Variants in KCNIP4 observed in about 807,000 individuals in gnomAD.
KCNIP4 encodes the protein Kv channel-interacting protein 4.
Under a neutral mutation model 34.0 loss-of-function variants are expected in KCNIP4, and 12 were observed. The ratio of observed to expected loss-of-function variants is 0.35; its 90% CI spans 0.23 to 0.57. KCNIP4 has a LOEUF of 0.57. KCNIP4 is among the 20% of genes least tolerant of loss of function. The pLI, the probability that KCNIP4 is intolerant of heterozygous loss-of-function variation, is 0.83. For missense variants in KCNIP4, 238 were observed against 311.7 expected (o/e 0.76, Z 1.78); for synonymous variants, 124 against 102.2 (o/e 1.21, Z -1.29).
chr4:20,958,506 A>T (rs1397956063), intron 1 of KCNIP4, among the ~76,000 whole-genome samples: 4 of 152,208 alleles, frequency 2.6e-5, no homozygotes, highest in African/African-American at 9.6e-5. Context: ...TTTATAATAA[A>T]AATTGATGAA....
chr4:21,192,940 CTACT>C (rs1755769281), intron 1 of KCNIP4, among the ~76,000 whole-genome samples: 1 of 145,248 alleles, frequency 6.9e-6, no homozygotes, highest in Non-Finnish European at 1.5e-5. Flanking sequence ...ACTACTACTA[CTACT>C]ACTACTACTA....
At chr4:21,871,934 T>A (rs1045527322) in intron 1 of KCNIP4, among the ~76,000 whole-genome samples, 1 of 151,916 alleles carries the variant, frequency 6.6e-6, no homozygotes. Flanking sequence ...AAAACCACAC[T>A]GCAGTTTTCC....
chr4:21,881,254 C>A (rs920545829), intron 1 of KCNIP4, among the ~76,000 whole-genome samples: 21 of 152,000 alleles, frequency 1.4e-4, no homozygotes, highest in African/African-American at 4.8e-4. Flanking sequence ...GAAATTAACT[C>A]TTTATATTGA....
rs1395119622 is a variant in KCNIP4 at position 20,785,317 on chromosome 4, GA to G, written c.289-26428del. Among the ~76,000 whole-genome samples, 23 of 140,254 alleles carry G rather than the reference GA, an allele frequency of 1.6e-4. No individual in the cohort carries two copies. In the South Asian group the frequency reaches 5.7e-3, roughly 35 times the overall value. The allele number at this position is 140,254 out of a possible 152,430, so 92.0% of individuals were successfully genotyped here. A position where few individuals can be genotyped will look rare whatever the true frequency, so the allele number is the denominator to read the frequency against. On this transcript the variant is annotated intron_variant, in intron 3 of 8. Coordinates refer to ENST00000382152, the MANE Select transcript of KCNIP4 (RefSeq NM_025221.6). ...GCACTTCCCTACTTGCTTTTCTTTG[GA>G]TTTTTTTTTCTTTTTTTTTTTTTTT...
chr4:21,684,525 G>T (rs551335734), intron 1 of KCNIP4, among the ~76,000 whole-genome samples: 1 of 152,212 alleles, frequency 6.6e-6, no homozygotes, highest in Admixed American at 6.5e-5. Flanking sequence ...ATAATTTAAA[G>T]AATGAGTAGG....
At chr4:21,310,430 T>C (rs1256428674) in intron 1 of KCNIP4, among the ~76,000 whole-genome samples, 2 of 152,130 alleles carry the variant, frequency 1.3e-5, no homozygotes, top group African/African-American at 4.8e-5. Context: ...CCCCTCATTT[T>C]TCAGACCATC....
At chr4:21,173,447 T>C (rs754172491) in intron 1 of KCNIP4, among the ~76,000 whole-genome samples, 20 of 152,022 alleles carry the variant, frequency 1.3e-4, no homozygotes, top group Non-Finnish European at 2.6e-4. Context: ...GTTTCAACAG[T>C]CAATAGCAGA....
At chr4:21,335,545 T>C (rs972055691) in intron 1 of KCNIP4, among the ~76,000 whole-genome samples, 2 of 152,228 alleles carry the variant, frequency 1.3e-5, no homozygotes, top group African/African-American at 2.4e-5. Context: ...TCACTGTATT[T>C]ATCTGTCCAC....
intron 1 of KCNIP4, among the ~76,000 whole-genome samples, chr4:21,768,212 T>C (rs1718551645): frequency 6.6e-6 from 1 of 152,112 alleles, no homozygotes; most frequent in Non-Finnish European, 1.5e-5. Context: ...ACCTAGGATT[T>C]TGGATACAGT....
rs1244603181 is a variant in KCNIP4, at chr4:21,234,077, C to T, written c.62-351368G>A. On this transcript the variant is annotated intron_variant, in intron 1 of 8. Coordinates refer to ENST00000382152, the MANE Select transcript of KCNIP4 (RefSeq NM_025221.6). ...ACATAACATATATAACATAACATAA[C>T]ATATAACGTATATTATATATAACAT... 3.0e-5 allele frequency among the ~76,000 whole-genome samples: 2 copies of T among 67,434 alleles called. 1 individual carries two copies. Among genetic ancestry groups the T allele is most frequent in the African/African-American group, 3.4e-4 (2 of 5,830 alleles). 44.2% of individuals were successfully genotyped at this position (67,434 alleles called of 152,430 possible).
rs115976788 is a variant in KCNIP4, at chr4:21,047,250, G to A, written c.62-164541C>T. ...CTCTTCATGATTTTTTTGGTCTTAT[G>A]TTTTTAACAAGACTGAGCAGAAAGT... On this transcript the variant is annotated intron_variant, in intron 1 of 8. Transcript: ENST00000382152. Among the ~76,000 whole-genome samples the A allele has an allele frequency of 1.7e-3, 264 of 152,188 alleles. 2 individuals are homozygous for A. The highest frequency in any genetic ancestry group is 3.3e-3 in the Non-Finnish European group (222 of 67,998).
chr4:21,543,974 G>A (rs1737920229), intron 1 of KCNIP4, among the ~76,000 whole-genome samples: 1 of 152,050 alleles, frequency 6.6e-6, no homozygotes, highest in South Asian at 2.1e-4. Flanking sequence ...AAATTGTTGT[G>A]ACTCCTAAAC....
At chr4:21,559,314 G>C (rs186136369) in intron 1 of KCNIP4, among the ~76,000 whole-genome samples, 2 of 152,234 alleles carry the variant, frequency 1.3e-5, no homozygotes, top group Non-Finnish European at 2.9e-5. Flanking sequence ...TTTGAATGAG[G>C]ACACTGAGTC....
intron 3 of KCNIP4, among the ~76,000 whole-genome samples, chr4:20,772,778 A>C (rs1184361363): frequency 6.6e-6 from 1 of 151,866 alleles, no homozygotes; most frequent in Non-Finnish European, 1.5e-5. Flanking sequence ...AATAGCTGGG[A>C]TTACAGGCGC....
chr4:21,527,086 G>A (rs1577528586), intron 1 of KCNIP4, among the ~76,000 whole-genome samples: 1 of 152,124 alleles, frequency 6.6e-6, no homozygotes, highest in Non-Finnish European at 1.5e-5. Flanking sequence ...TCATTAATTA[G>A]GATGCCACCA....
chr4:21,776,094 ATCCAT>A, intron 1 of KCNIP4, among the ~76,000 whole-genome samples: 1 of 152,256 alleles, frequency 6.6e-6, no homozygotes, highest in Middle Eastern at 3.4e-3. Context: ...GGATCTTCCA[ATCCAT>A]GGGTTGCACA....
intron 1 of KCNIP4, among the ~76,000 whole-genome samples, chr4:20,925,361 C>T (rs1051011184): frequency 2.6e-5 from 4 of 151,962 alleles, no homozygotes; most frequent in Non-Finnish European, 5.9e-5. Flanking sequence ...AGATACAGGT[C>T]GTAAAGAACT....
rs555746360 is a variant in KCNIP4, at chr4:21,156,262, G to T, written c.62-273553C>A. On this transcript the variant is annotated intron_variant, in intron 1 of 8. Coordinates refer to ENST00000382152, the MANE Select transcript of KCNIP4 (RefSeq NM_025221.6). ...GGAAGAAGCTGTCTAGCCAGGAACT[G>T]CATTTCCCTGTATCCACACCATTTT... Among the ~76,000 whole-genome samples the T allele has an allele frequency of 3.3e-4, 51 of 152,262 alleles. 1 individual carries two copies. Among genetic ancestry groups the T allele is most frequent in the African/African-American group, 1.2e-3 (50 of 41,570 alleles).
intron 1 of KCNIP4, among the ~76,000 whole-genome samples, chr4:21,071,632 T>C (rs1236357455): frequency 1.3e-5 from 2 of 152,066 alleles, no homozygotes; most frequent in Non-Finnish European, 2.9e-5. Context: ...ATTTTATTTA[T>C]TTTTTTATCT....
Sources: gnomAD v4.1 joint callset for allele counts (sites outside exome capture counted in the v4.1 genomes callset) on GRCh38, gnomAD v4.1.1 for gene constraint, MANE v1.5 for transcripts, NCBI Gene and HGNC (gene_info 2026-07-23, HGNC 2026-07-21) for gene names.